FMO5: variants seen among roughly 807,000 people sequenced by gnomAD.
The protein encoded by FMO5 is flavin-containing monooxygenase 5.
In FMO5, 51 loss-of-function variants were observed where a neutral mutation model predicts 43.6. That is an observed-to-expected ratio of 1.17 (90% CI 0.93 to 1.48). The LOEUF is 1.48. Ranked by LOEUF, FMO5 falls within the 40% of genes most tolerant of loss-of-function variation. FMO5 has a pLI of 0.00. For missense variants in FMO5, 644 were observed against 643.0 expected (o/e 1.00, Z -0.02); for synonymous variants, 187 against 216.5 (o/e 0.86, Z 1.20).
intron 6 of FMO5, among the ~76,000 whole-genome samples, chr1:147,202,119 A>G (rs17355844): frequency 0.037 from 5,602 of 152,140 alleles, 146 homozygotes; most frequent in South Asian, 0.095. Context: ...AGGATTTTAG[A>G]ATTTATCTCA....
intron 4 of FMO5, 37 bp downstream of exon 4, chr1:147,213,271 A>G: frequency 1.3e-6 from 2 of 1,545,080 alleles, no homozygotes; most frequent in Non-Finnish European, 1.7e-6. Context: ...GGTCACAGGC[A>G]TGGGTCAAGG....
Position 147,196,174 on chromosome 1 carries a change from ATAACT to A in FMO5, c.1183+4973_1183+4977del, listed in dbSNP as rs1657958393. Among the ~76,000 whole-genome samples, 2 of 152,168 alleles carry A rather than the reference ATAACT, an allele frequency of 1.3e-5. 1 individual carries two copies. The highest frequency in any genetic ancestry group is 4.1e-4 in the South Asian group (2 of 4,832). On this transcript the variant is annotated intron_variant, in intron 7 of 8. Transcript: ENST00000254090. The stretch of plus-strand genomic sequence containing the variant: ...GTTGCCCTTCACTAAGCATACTCTA[ATAACT>A]ATCCTGGTGTATCCCTCTTAAAATA...
chr1:147,225,035 C>T lies in FMO5; in HGVS notation c.-6G>A. 6.8e-7 allele frequency: 1 copy of T among 1,475,824 alleles called. No homozygotes were observed. The highest frequency in any genetic ancestry group is 1.3e-5 in the South Asian group (1 of 77,394). The allele number at this position is 1,475,824 out of a possible 1,614,324, so 91.4% of individuals were successfully genotyped here. A position where few individuals can be genotyped will look rare whatever the true frequency, so the allele number is the denominator to read the frequency against. Reference sequence around the variant, plus strand: ...GCAATTCTTTTCTTAGTCATGGTCTCCCGAGATCTTCACCTGTTAGTGTCG... The same window carrying T: ...GCAATTCTTTTCTTAGTCATGGTCTTCCGAGATCTTCACCTGTTAGTGTCG... On this transcript the variant is annotated 5_prime_UTR_variant, in exon 2 of 9. Coordinates refer to ENST00000254090, the MANE Select transcript of FMO5 (RefSeq NM_001461.4).
chr1:147,221,535 G>A (rs587657481), intron 2 of FMO5, among the ~76,000 whole-genome samples: 1 of 152,336 alleles, frequency 6.6e-6, no homozygotes, highest in African/African-American at 2.4e-5. Flanking sequence ...TTGCTGTATG[G>A]AGAGCAGGTG....
intron 6 of FMO5, among the ~76,000 whole-genome samples, chr1:147,207,812 A>G (rs926435201): frequency 1.3e-5 from 2 of 152,256 alleles, no homozygotes; most frequent in Admixed American, 1.3e-4. Flanking sequence ...ACTCCTACCC[A>G]TTCGCTCTGA....
chr1:147,198,731 G>T (rs1658427573), intron 7 of FMO5, among the ~76,000 whole-genome samples: 1 of 151,574 alleles, frequency 6.6e-6, no homozygotes, highest in Admixed American at 6.6e-5. Context: ...GGCGCCTGTA[G>T]TCCCAGCTAC....
chr1:147,189,804 A>G (rs1216185178), intron 8 of FMO5, among the ~76,000 whole-genome samples: 1 of 152,146 alleles, frequency 6.6e-6, no homozygotes. Flanking sequence ...TAATTCACCC[A>G]TAGCTACCTC....
chr1:147,218,296 C>T lies in FMO5; in HGVS notation c.136-2354G>A, dbSNP rs192226720. ...CTGTCGCCAGGCTGGAGTGCAGTAGCACGATCTCAGCTCCCTGCAACCTCT... is the reference window on the plus strand; with the variant it reads ...CTGTCGCCAGGCTGGAGTGCAGTAGTACGATCTCAGCTCCCTGCAACCTCT... On this transcript the variant is annotated intron_variant, in intron 2 of 8. Transcript: ENST00000254090. Among the ~76,000 whole-genome samples the T allele has an allele frequency of 5.1e-4, 77 of 151,054 alleles. No individual in the cohort carries two copies. The East Asian group carries it at 0.014, about 27-fold the overall frequency.
chr1:147,204,021 C>G (rs1553921684), intron 6 of FMO5: 5 of 1,191,982 alleles, frequency 4.2e-6, no homozygotes, highest in Non-Finnish European at 6.3e-6. Flanking sequence ...TATTTGTTTG[C>G]ATAATGAAGA....
chr1:147,200,713 C>T (rs189492724), intron 7 of FMO5, among the ~76,000 whole-genome samples: 82 of 151,858 alleles, frequency 5.4e-4, no homozygotes, highest in Non-Finnish European at 6.5e-4. Flanking sequence ...TCTTAATTTT[C>T]GGCCGAAATA....
upstream of FMO5, among the ~76,000 whole-genome samples, chr1:147,226,931 C>G (rs1293184363): frequency 6.6e-6 from 1 of 151,762 alleles, no homozygotes; most frequent in Admixed American, 6.6e-5. Context: ...CTCCTGGGCT[C>G]AATCTACCCT....
chr1:147,201,572 T>C (rs1658979590), intron 6 of FMO5, 68 bp from the exon 7 acceptor site: 69 of 1,346,476 alleles, frequency 5.1e-5, no homozygotes, highest in Non-Finnish European at 7.0e-5. Flanking sequence ...ATAAGTAAAA[T>C]TTTGCTTTGG....
chr1:147,210,225 A>C (rs991292365), intron 5 of FMO5: 5 of 152,196 alleles, frequency 3.3e-5, no homozygotes, highest in Admixed American at 2.0e-4. Context: ...GTGCTTAAGA[A>C]ATGTTTGATT....
At chr1:147,206,720 A>C (rs938831896) in intron 6 of FMO5, among the ~76,000 whole-genome samples, 1 of 152,140 alleles carries the variant, frequency 6.6e-6, no homozygotes, top group Non-Finnish European at 1.5e-5. Context: ...CAATGAGAAC[A>C]CTTGGACACA....
chr1:147,212,294 G>C, intron 5 of FMO5, 99 bp downstream of exon 5: 2 of 1,237,024 alleles, frequency 1.6e-6, no homozygotes, highest in Non-Finnish European at 2.3e-6. Flanking sequence ...GAAGGGCTAT[G>C]TGCAGGTATC....
chr1:147,226,627 G>C (rs1373424846), upstream of FMO5, among the ~76,000 whole-genome samples: 1 of 152,166 alleles, frequency 6.6e-6, no homozygotes, highest in Non-Finnish European at 1.5e-5. Context: ...GTGAGGGGTT[G>C]TAAGAGGCAT....
At chr1:147,194,350 G>C (rs1389278666) in intron 7 of FMO5, among the ~76,000 whole-genome samples, 11 of 151,344 alleles carry the variant, frequency 7.3e-5, no homozygotes, top group South Asian at 2.1e-4. Flanking sequence ...TTTTGTTTTC[G>C]ATTTGCTTGG....
intron 8 of FMO5, among the ~76,000 whole-genome samples, chr1:147,188,580 T>G (rs1656061373): frequency 6.7e-6 from 1 of 149,374 alleles, no homozygotes; most frequent in East Asian, 2.0e-4. Context: ...ACAAAAGAGG[T>G]TCACTAGCTC....
At chr1:147,208,686 G>A (rs1054461104) in intron 6 of FMO5, 166 bp downstream of exon 6, 6 of 544,212 alleles carry the variant, frequency 1.1e-5, no homozygotes, top group Middle Eastern at 8.9e-4. Flanking sequence ...TGATCCACCC[G>A]CCTCCGCCTC....
Sources: allele counts gnomAD v4.1 joint callset (sites outside exome capture counted in the v4.1 genomes callset), GRCh38; gene constraint gnomAD v4.1.1; transcripts MANE v1.5; gene names NCBI Gene and HGNC (gene_info 2026-07-23, HGNC 2026-07-21).